The following SGCZ variants were observed in gnomAD, a reference collection of about 807,000 sequenced individuals.
SGCZ encodes the protein sarcoglycan zeta, also known as zeta-sarcoglycan.
In SGCZ, 40 loss-of-function variants were observed where a neutral mutation model predicts 41.3. The observed-to-expected ratio is 0.97, with a 90% CI of 0.75 to 1.26. The LOEUF is 1.26. Among genes scored for constraint, SGCZ ranks in the 50% most tolerant of loss-of-function variants. The probability of loss-of-function intolerance (pLI) is 0.00; values close to 1 mark genes in which losing one functional copy is unlikely to be tolerated. For synonymous variants in SGCZ, 206 were observed against 137.5 expected (o/e 1.50, Z -3.49); for missense variants, 552 against 369.8 (o/e 1.49, Z -4.04).
chr8:14,141,226 G>GAA (rs1359166982), intron 5 of SGCZ, among the ~76,000 whole-genome samples: 42 of 151,198 alleles, frequency 2.8e-4, no homozygotes, highest in African/African-American at 9.9e-4. Flanking sequence ...ACCCTAGAAG[G>GAA]AAACCTATAC....
intron 1 of SGCZ, among the ~76,000 whole-genome samples, chr8:14,725,874 TA>T (rs1189927033): frequency 1.3e-5 from 2 of 152,314 alleles, no homozygotes; most frequent in South Asian, 2.1e-4. Context: ...AGGCGATTAC[TA>T]AAAAAGTAGA....
intron 1 of SGCZ, among the ~76,000 whole-genome samples, chr8:14,765,094 G>A (rs1374636502): frequency 1.3e-5 from 2 of 152,140 alleles, no homozygotes; most frequent in Admixed American, 6.5e-5. Context: ...TTCTGATACT[G>A]TGGCCCAGAG....
intron 4 of SGCZ, among the ~76,000 whole-genome samples, chr8:14,200,052 G>T (rs1805403335): frequency 6.6e-6 from 1 of 152,088 alleles, no homozygotes; most frequent in African/African-American, 2.4e-5. Flanking sequence ...ATAGCAATTG[G>T]GTCCGGTAGT....
intron 2 of SGCZ, among the ~76,000 whole-genome samples, chr8:14,356,017 G>A (rs866893067): frequency 5.3e-5 from 8 of 152,022 alleles, no homozygotes; most frequent in Admixed American, 3.9e-4. Context: ...TCTTTTCCTG[G>A]GCTAGTAATA....
chr8:14,165,788 T>A (rs540974725), intron 4 of SGCZ, among the ~76,000 whole-genome samples: 1 of 152,266 alleles, frequency 6.6e-6, no homozygotes, highest in South Asian at 2.1e-4. Context: ...AAGCAGGACA[T>A]CATCTTTGTA....
intron 2 of SGCZ, among the ~76,000 whole-genome samples, chr8:14,336,280 A>G (rs1272859715): frequency 6.6e-6 from 1 of 152,154 alleles, no homozygotes; most frequent in East Asian, 1.9e-4. Context: ...ATAGTATTCC[A>G]TAGTGTATAG....
intron 1 of SGCZ, among the ~76,000 whole-genome samples, chr8:14,626,563 T>C (rs1013536945): frequency 3.3e-5 from 5 of 152,132 alleles, no homozygotes; most frequent in Non-Finnish European, 7.4e-5. Flanking sequence ...AAGTAAAAAT[T>C]AGGTCACACT....
intron 2 of SGCZ, among the ~76,000 whole-genome samples, chr8:14,356,514 A>G (rs894011249): frequency 9.2e-5 from 14 of 152,180 alleles, no homozygotes; most frequent in African/African-American, 2.7e-4. Flanking sequence ...AATGTCTTCA[A>G]GAATAAAGTA....
chr8:14,448,400 C>T (rs1193625352), intron 2 of SGCZ, among the ~76,000 whole-genome samples: 2 of 152,162 alleles, frequency 1.3e-5, no homozygotes, highest in Admixed American at 6.5e-5. Flanking sequence ...GGGCCTCATG[C>T]ACCAGTTAGA....
chr8:14,770,658 C>T (rs549072603), intron 1 of SGCZ, among the ~76,000 whole-genome samples: 132 of 152,176 alleles, frequency 8.7e-4, no homozygotes, highest in African/African-American at 3.0e-3. Context: ...TATGTATTTA[C>T]TCATTCAGTA....
chr8:15,126,358 G>A (rs755013992), intron 1 of SGCZ, among the ~76,000 whole-genome samples: 10 of 152,066 alleles, frequency 6.6e-5, no homozygotes, highest in Non-Finnish European at 1.0e-4. Flanking sequence ...AACTCTACCC[G>A]TTATTCCATA....
At chr8:14,991,811 C>G (rs1260413090) in intron 1 of SGCZ, among the ~76,000 whole-genome samples, 2 of 151,430 alleles carry the variant, frequency 1.3e-5, no homozygotes, top group Non-Finnish European at 2.9e-5. Flanking sequence ...TGATGTTTAC[C>G]TCTCACCCAT....
At chr8:14,576,347 G>T (rs1165075786) in intron 1 of SGCZ, among the ~76,000 whole-genome samples, 1 of 152,040 alleles carries the variant, frequency 6.6e-6, no homozygotes, top group Non-Finnish European at 1.5e-5. Flanking sequence ...CCCTCTAAAG[G>T]AGGGAAAAAA....
At chr8:15,184,514 T>C (rs1424680457) in intron 1 of SGCZ, among the ~76,000 whole-genome samples, 1 of 146,038 alleles carries the variant, frequency 6.8e-6, no homozygotes, top group African/African-American at 2.4e-5. Flanking sequence ...TCTCCTTTTT[T>C]TTTTCTTTTG....
chr8:14,586,416 G>T (rs1279243358), intron 1 of SGCZ, among the ~76,000 whole-genome samples: 1 of 152,110 alleles, frequency 6.6e-6, no homozygotes, highest in East Asian at 1.9e-4. Context: ...GTTTTTCCAT[G>T]TTGGCCAGGC....
intron 1 of SGCZ, among the ~76,000 whole-genome samples, chr8:14,602,420 G>A (rs1449712108): frequency 1.3e-5 from 2 of 151,966 alleles, no homozygotes; most frequent in African/African-American, 4.8e-5. Context: ...GCCGAGGTGG[G>A]AAGAATTACC....
In SGCZ at chr8:14,395,310, T is replaced by G. The variant is rs549940464; in HGVS notation, c.235-71106A>C. On this transcript the variant is annotated intron_variant, in intron 2 of 7. Coordinates refer to ENST00000382080, the MANE Select transcript of SGCZ (RefSeq NM_139167.4). ...AGTTACTATTGTGGTAATAAAGAAA[T>G]AAAAGAGTAGGATTCTGAAACAGAA... Among the ~76,000 whole-genome samples, 4 of 152,164 alleles carry G rather than the reference T, an allele frequency of 2.6e-5. No individual in the cohort carries two copies. In the South Asian group the frequency reaches 8.3e-4, roughly 32 times the overall value.
intron 2 of SGCZ, among the ~76,000 whole-genome samples, chr8:14,394,134 G>GCCA (rs1554511263): frequency 1.6e-5 from 2 of 128,782 alleles, no homozygotes; most frequent in African/African-American, 6.7e-5. Flanking sequence ...CTGCCCTACC[G>GCCA]CCCCCCACCT....
chr8:14,943,465 C>A (rs191151643), intron 1 of SGCZ, among the ~76,000 whole-genome samples: 1 of 152,246 alleles, frequency 6.6e-6, no homozygotes, highest in Non-Finnish European at 1.5e-5. Flanking sequence ...GTGAGGCTTG[C>A]TGGGCCTCCT....
Sources: allele counts gnomAD v4.1 joint callset (sites outside exome capture counted in the v4.1 genomes callset), GRCh38; gene constraint gnomAD v4.1.1; transcripts MANE v1.5; gene names NCBI Gene and HGNC (gene_info 2026-07-23, HGNC 2026-07-21).